Variants in HDAC7 observed in about 807,000 individuals in gnomAD.
The protein encoded by HDAC7 is histone deacetylase 7.
Under a neutral mutation model 115.5 loss-of-function variants are expected in HDAC7, and 26 were observed. The ratio of observed to expected loss-of-function variants is 0.23; its 90% confidence interval spans 0.16 to 0.31. The LOEUF (loss-of-function observed/expected upper bound fraction) is 0.31, where lower values mean the gene tolerates loss of function less well. Ranked by LOEUF, HDAC7 falls within the 10% of genes least tolerant of loss-of-function variation. The probability of loss-of-function intolerance (pLI) is 1.00; values close to 1 mark genes in which losing one functional copy is unlikely to be tolerated. For synonymous variants in HDAC7, 564 were observed against 550.9 expected, an observed-to-expected ratio of 1.02 and a Z score of -0.33; for missense variants, 1,068 against 1,329.0, an observed-to-expected ratio of 0.80 and a Z score of 3.05.
intron 2 of HDAC7, among the ~76,000 whole-genome samples, chr12:47,800,421 T>C (rs1371294166): frequency 6.6e-6 from 1 of 152,116 alleles, no homozygotes; most frequent in Non-Finnish European, 1.5e-5. Context: ...GACTGTGACA[T>C]GGACACAAGA....
chr12:47,783,990 G>T (rs933012531), intron 25 of HDAC7, 89 bp downstream of exon 25: 104 of 1,600,652 alleles, frequency 6.5e-5, no homozygotes, highest in Non-Finnish European at 4.0e-5. Flanking sequence ...GAGGGTTGGG[G>T]TGGCTGCATA....
intron 1 of HDAC7, among the ~76,000 whole-genome samples, chr12:47,805,039 GC>G (rs1396236438): frequency 3.3e-5 from 5 of 150,926 alleles, no homozygotes; most frequent in Admixed American, 1.3e-4. Flanking sequence ...CACCTAGAAC[GC>G]CCCCCTCCCG....
At chr12:47,790,492 A>G (rs1399043283) in intron 16 of HDAC7, 2 of 156,532 alleles carry the variant, frequency 1.3e-5, no homozygotes, top group Non-Finnish European at 2.8e-5. Context: ...AGAGAAAGAC[A>G]GAGAGGGAGA....
At chr12:47,791,554 G>C (rs1943515270) in intron 15 of HDAC7, 32 bp downstream of exon 15, 1 of 1,586,374 alleles carries the variant, frequency 6.3e-7, no homozygotes, top group Non-Finnish European at 8.6e-7. Flanking sequence ...GAGGTAAGCT[G>C]GCATGGGGAG....
rs188654027 is a variant in HDAC7 at position 47,809,404 on chromosome 12, T to G, written c.20-7130A>C. Among the ~76,000 whole-genome samples, 18 of 152,300 alleles carry G rather than the reference T, an allele frequency of 1.2e-4. No homozygotes were observed. In the East Asian group the frequency reaches 3.5e-3, roughly 29 times the overall value. On this transcript the variant is annotated intron_variant, in intron 1 of 25. Transcript: ENST00000080059. ...AGGCCACGCAGCCCATTCCCAAGAC[T>G]GCCAGGGAAATGTTTAAGTTACAAT...
At position 47,792,303 on chromosome 12, in the gene HDAC7, G is replaced by A; in HGVS notation, c.1679-299C>T. On this transcript the variant is annotated intron_variant, in intron 13 of 25. Coordinates refer to ENST00000080059, the MANE Select transcript of HDAC7 (RefSeq NM_015401.5). Reference sequence around the variant, plus strand: ...TTCCCACATGCGGACACGACTGCTGGGTGGCCCAGGACTCGAGGGCCCAGC... The same window carrying A: ...TTCCCACATGCGGACACGACTGCTGAGTGGCCCAGGACTCGAGGGCCCAGC... 3 of 461,084 alleles carry A rather than the reference G, an allele frequency of 6.5e-6. No individual in the cohort carries two copies. The South Asian group carries it at 8.0e-5, about 12-fold the overall frequency. The allele number at this position is 461,084 out of a possible 1,614,324, so 28.6% of individuals were successfully genotyped here. A position where few individuals can be genotyped will look rare whatever the true frequency, so the allele number is the denominator to read the frequency against.
rs1262121762 is a variant in HDAC7, at chr12:47,785,821, C to T, written c.2637G>A (p.Glu879=). 1.2e-6 allele frequency: 2 copies of T among 1,612,286 alleles called. No individual in the cohort carries two copies. The highest frequency in any genetic ancestry group is 3.3e-5 in the Admixed American group (2 of 59,826). Residue 879 remains glutamate (E), a synonymous_variant, in exon 23 of 26, where the codon GAG becomes GAA. Transcript: ENST00000080059. Reference sequence around the variant, plus strand: ...AGATGGCTGTGAGGTCATGGCCACCCTCCAAGGCCAGCACCACTGCGCCTC... The same window carrying T: ...AGATGGCTGTGAGGTCATGGCCACCTTCCAAGGCCAGCACCACTGCGCCTC... ...LAGGAVVLAL[E]GGHDLTAICD... is the part of the protein sequence containing the mutation.
chr12:47,800,982 C>T (rs536573550), intron 2 of HDAC7, among the ~76,000 whole-genome samples: 3 of 152,382 alleles, frequency 2.0e-5, no homozygotes, highest in Admixed American at 2.0e-4. Context: ...TGGCCATCAG[C>T]TTCCACCTGT....
intron 1 of HDAC7, among the ~76,000 whole-genome samples, chr12:47,807,545 A>G (rs1217704245): frequency 3.5e-4 from 53 of 152,042 alleles, no homozygotes; most frequent in Admixed American, 3.5e-3. Context: ...GCTCTCAACC[A>G]ATACACTCCA....
At position 47,785,874 on chromosome 12, in the gene HDAC7, T is replaced by G. The variant is rs1943147454; in HGVS notation, c.2584A>C (p.Met862Leu). Residue 862 changes from methionine to leucine, a missense_variant, in exon 23 of 26, where the codon ATG (methionine) becomes CTG (leucine). Transcript: ENST00000080059. ...YHVSAKCFGY[M>L]TQQLMNLAGG... ...GCCAGGTTCATCAGTTGCTGCGTCA[T>G]GTATCCAAAACCTAGAGGTTGGGAG... is the stretch of plus-strand genomic sequence containing the variant. 1.2e-6 allele frequency: 2 copies of G among 1,605,540 alleles called. No individual in the cohort carries two copies. The highest frequency in any genetic ancestry group is 2.2e-5 in the East Asian group (1 of 44,658).
In HDAC7 at chr12:47,793,427, G is replaced by T; in HGVS notation, c.1620C>A (p.Ser540Arg). 6.4e-7 allele frequency: 1 copy of T among 1,562,162 alleles called. No homozygotes were observed. Among genetic ancestry groups the T allele is most frequent in the East Asian group, 2.3e-5 (1 of 43,098 alleles). Residue 540 changes from serine (S) to arginine (R), a missense_variant, in exon 13 of 26, where the codon AGC becomes AGA. Ser to Arg is a moderately radical substitution (Grantham distance 110). Around this residue, in one of 6 missense-constraint regions of HDAC7, gnomAD observed 618 missense variants for 701.5 expected, o/e 0.88. Transcript: ENST00000080059. This position sits in a 1 kb window ranked among gnomAD's most constrained non-coding sequence, Gnocchi z 4.5. ...PASLSAPEPA[S>R]QARVLSSSET... ...CTGAGCTGGAGAGGACTCGGGCCTG[G>T]CTGGCAGGCTCTGGGGCTGACAGTG...
intron 24 of HDAC7, chr12:47,785,160 G>A: frequency 1.8e-6 from 1 of 551,520 alleles, no homozygotes. Context: ...ACCTTGAGGG[G>A]CCACTGTCTG....
At chr12:47,787,941 C>T (rs768006820) in intron 20 of HDAC7, 104 bp downstream of exon 20, 2 of 1,567,418 alleles carry the variant, frequency 1.3e-6, no homozygotes, top group South Asian at 1.1e-5. Flanking sequence ...ATCAGAGAGG[C>T]TCAGCAGTCT....
chr12:47,797,291 G>T lies in HDAC7; in HGVS notation c.577+93C>A. ...AGCCTACCGATGATCTCCTGGCCCAGCCCAGCCCGCCCACCCCTGCACACT... is the reference window on the plus strand; with the variant it reads ...AGCCTACCGATGATCTCCTGGCCCATCCCAGCCCGCCCACCCCTGCACACT... On this transcript the variant is annotated intron_variant, in intron 6 of 25. Transcript: ENST00000080059. The surrounding 1 kb of genome is among the most constrained non-coding windows in gnomAD (Gnocchi z 5.5). 1 of 1,336,204 alleles carries T rather than the reference G, an allele frequency of 7.5e-7. No individual in the cohort carries two copies. Among genetic ancestry groups the T allele is most frequent in the Non-Finnish European group, 1.1e-6 (1 of 948,964 alleles). The allele number at this position is 1,336,204 out of a possible 1,614,324, so 82.8% of individuals were successfully genotyped here.
At chr12:47,794,647 G>A in intron 12 of HDAC7, 113 bp downstream of exon 12, 1 of 1,116,370 alleles carries the variant, frequency 9.0e-7, no homozygotes, top group South Asian at 1.7e-5. Context: ...GCAACCATGG[G>A]TCCTAGAGCT....
At chr12:47,800,663 T>C (rs758421361) in intron 2 of HDAC7, among the ~76,000 whole-genome samples, 63 of 152,248 alleles carry the variant, frequency 4.1e-4, no homozygotes, top group Non-Finnish European at 1.0e-4. Context: ...TTCCATGTTC[T>C]GTGTCCTGGC....
intron 2 of HDAC7, among the ~76,000 whole-genome samples, chr12:47,801,596 G>A (rs1333705642): frequency 1.3e-5 from 2 of 152,192 alleles, no homozygotes; most frequent in African/African-American, 2.4e-5. Context: ...GGAATTATTA[G>A]GCATCAGGCT....
intron 8 of HDAC7, 74 bp from the exon 9 acceptor site, chr12:47,796,090 G>T (rs1373634138): frequency 6.6e-7 from 1 of 1,523,640 alleles, no homozygotes; most frequent in Non-Finnish European, 8.9e-7. Flanking sequence ...GAACACCCAG[G>T]AGGCTCTGGC....
intron 1 of HDAC7, among the ~76,000 whole-genome samples, chr12:47,804,989 A>C (rs1162726923): frequency 6.6e-6 from 1 of 151,458 alleles, no homozygotes; most frequent in Admixed American, 6.6e-5. Flanking sequence ...CAGGAGCTTC[A>C]TGTCTTCAGT....
Sources: gnomAD v4.1 joint callset for allele counts (sites outside exome capture counted in the v4.1 genomes callset) on GRCh38, gnomAD v4.1.1 for gene constraint, gnomAD v4.1.1 regional missense constraint, Gnocchi (gnomAD v3.1) non-coding constraint, MANE v1.5 for transcripts, NCBI Gene and HGNC (gene_info 2026-07-23, HGNC 2026-07-21) for gene names.